SGIP1: variants seen among roughly 807,000 people sequenced by gnomAD.
SGIP1 encodes SH3-containing GRB2-like protein 3-interacting protein 1.
SGIP1 carries 38 observed loss-of-function variants against 107.5 expected under a neutral mutation model. That is an observed-to-expected ratio of 0.35 (90% CI 0.27 to 0.46). SGIP1 has a LOEUF of 0.46. Ranked by LOEUF, SGIP1 falls within the 20% of genes least tolerant of loss-of-function variation. The pLI is 1.00. For synonymous variants in SGIP1, 365 were observed against 366.1 expected, an observed-to-expected ratio of 1.00 and a Z score of 0.03; for missense variants, 929 against 1,019.5, an observed-to-expected ratio of 0.91 and a Z score of 1.21.
chr1:66,608,124 C>A (rs1284398244), intron 1 of SGIP1, among the ~76,000 whole-genome samples: 2 of 152,208 alleles, frequency 1.3e-5, no homozygotes, highest in Admixed American at 1.3e-4. Context: ...CACTATCTAT[C>A]CATGCCATGT....
intron 1 of SGIP1, among the ~76,000 whole-genome samples, chr1:66,559,196 G>A (rs1988415): frequency 0.13 from 19,473 of 152,042 alleles, 1,326 homozygotes; most frequent in East Asian, 0.19. Context: ...TGATGCAGAA[G>A]GTCAGGGGTG....
intron 24 of SGIP1, among the ~76,000 whole-genome samples, chr1:66,742,751 G>A (rs956033120): frequency 6.7e-6 from 1 of 149,046 alleles, no homozygotes; most frequent in African/African-American, 2.6e-5. Context: ...TTACAGGCGT[G>A]AGCCACCGCG....
intron 17 of SGIP1, chr1:66,694,510 G>A (rs1416054959): frequency 6.3e-7 from 1 of 1,588,666 alleles, no homozygotes; most frequent in Non-Finnish European, 8.5e-7. Context: ...TGCAGGTATG[G>A]TGCTAGCCAA....
At position 66,719,378 on chromosome 1, in the gene SGIP1, C is replaced by T; in HGVS notation, c.1715C>T (p.Ala572Val). ...VAAAFTETVN[A>V]YFKGADPSKC... ...GCAGCATTTACAGAAACAGTCAATG[C>T]CTATTTCAAAGGAGCAGACCCAAGC... Residue 572 changes from alanine to valine, a missense_variant, in exon 19 of 25, where the codon GCC becomes GTC. Ala to Val is a moderately conservative substitution (Grantham distance 64, BLOSUM62 0). This residue lies in a region of SGIP1 where 341 missense variants were observed against 430.9 expected (regional missense o/e 0.79). Transcript: ENST00000371037. 6.2e-7 allele frequency: 1 copy of T among 1,613,348 alleles called. No individual in the cohort carries two copies. The highest frequency in any genetic ancestry group is 8.5e-7 in the Non-Finnish European group (1 of 1,179,602).
At chr1:66,738,021 G>A (rs1003894542) in intron 21 of SGIP1, among the ~76,000 whole-genome samples, 4 of 152,086 alleles carry the variant, frequency 2.6e-5, no homozygotes, top group African/African-American at 9.7e-5. Flanking sequence ...CTACTGCTGA[G>A]GACAGAGTCC....
intron 8 of SGIP1, among the ~76,000 whole-genome samples, chr1:66,662,130 T>C (rs2081617901): frequency 6.6e-6 from 1 of 152,232 alleles, no homozygotes; most frequent in African/African-American, 2.4e-5. Context: ...ATAGTTTGTC[T>C]TCACCCTAAA....
intron 12 of SGIP1, among the ~76,000 whole-genome samples, chr1:66,673,844 G>A (rs2084495425): frequency 6.6e-6 from 1 of 152,088 alleles, no homozygotes; most frequent in African/African-American, 2.4e-5. Context: ...GCTGGCTCAA[G>A]ACCCAGGAAT....
At chr1:66,672,103 T>G in intron 11 of SGIP1, 108 bp downstream of exon 11, 20 of 984,740 alleles carry the variant, frequency 2.0e-5, no homozygotes, top group Non-Finnish European at 3.2e-5. Context: ...ACAAAGGCTC[T>G]ACCAAAACAT....
intron 18 of SGIP1, among the ~76,000 whole-genome samples, chr1:66,700,276 CAGG>C (rs988482856): frequency 2.7e-4 from 40 of 149,140 alleles, no homozygotes; most frequent in African/African-American, 9.7e-4. Flanking sequence ...GAGGCTGAGG[CAGG>C]AGAACTGTTT....
At chr1:66,583,689 C>G (rs2062143787) in intron 1 of SGIP1, among the ~76,000 whole-genome samples, 1 of 152,112 alleles carries the variant, frequency 6.6e-6, no homozygotes, top group Non-Finnish European at 1.5e-5. Context: ...CCTCCTACAT[C>G]CGAATTAGTA....
chr1:66,710,180 G>A (rs2150336360), intron 18 of SGIP1, among the ~76,000 whole-genome samples: 1 of 152,094 alleles, frequency 6.6e-6, no homozygotes. Flanking sequence ...CATCACTTCA[G>A]CTAAGATTCA....
intron 1 of SGIP1, among the ~76,000 whole-genome samples, chr1:66,548,847 A>G (rs142176818): frequency 6.6e-6 from 1 of 152,144 alleles, no homozygotes; most frequent in Non-Finnish European, 1.5e-5. Context: ...TCTCCAATTC[A>G]TAGCCCTCTC....
intron 12 of SGIP1, among the ~76,000 whole-genome samples, chr1:66,675,709 AT>A (rs35311800): frequency 1.3e-5 from 2 of 150,106 alleles, no homozygotes; most frequent in Non-Finnish European, 3.0e-5. Context: ...TAATTTTTGT[AT>A]TTTTTGTAGA....
At position 66,709,072 on chromosome 1, in the gene SGIP1, C is replaced by T. The variant is rs544701020; in HGVS notation, c.1631-10222C>T. Among the ~76,000 whole-genome samples the T allele has an allele frequency of 3.3e-3, 494 of 151,872 alleles. 5 individuals are homozygous for T. The highest frequency in any genetic ancestry group is 0.017 in the Middle Eastern group (5 of 294). On this transcript the variant is annotated intron_variant, in intron 18 of 24. Coordinates refer to ENST00000371037, the MANE Select transcript of SGIP1 (RefSeq NM_032291.4). Reference sequence around the variant, plus strand: ...CATGCGCAGAGTTCTGGGATACATGCGCAGAACGTGCATGTTTGTTACATA... The same window carrying T: ...CATGCGCAGAGTTCTGGGATACATGTGCAGAACGTGCATGTTTGTTACATA...
intron 1 of SGIP1, among the ~76,000 whole-genome samples, chr1:66,590,996 A>G (rs1409579832): frequency 6.6e-6 from 1 of 152,170 alleles, no homozygotes; most frequent in East Asian, 1.9e-4. Context: ...ACTCTTACCA[A>G]CATTTCCATA....
chr1:66,651,370 C>T (rs556965352), intron 7 of SGIP1, among the ~76,000 whole-genome samples: 1 of 152,080 alleles, frequency 6.6e-6, no homozygotes, highest in African/African-American at 2.4e-5. Flanking sequence ...TTATCTCACT[C>T]GAAGCATCAC....
At chr1:66,574,982 A>G (rs1393563256) in intron 1 of SGIP1, among the ~76,000 whole-genome samples, 1 of 152,188 alleles carries the variant, frequency 6.6e-6, no homozygotes, top group Non-Finnish European at 1.5e-5. Context: ...TCCAAAATAG[A>G]TTTAACCTTA....
Position 66,729,361 on chromosome 1 carries a change from C to T in SGIP1, c.1840C>T (p.Arg614Trp), listed in dbSNP as rs373240389. 12 of 1,613,974 alleles carry T rather than the reference C, an allele frequency of 7.4e-6. No individual in the cohort carries two copies. The highest frequency in any genetic ancestry group is 2.2e-5 in the East Asian group (1 of 44,884). ...CCCGTCCCCAGCTGCTCTGACTTTT[C>T]GGGTGATAAATTTCAGCAGGTTAGA... Reference protein sequence around the residue: ...NNPSPAALTFRVINFSRLEHV... With the variant: ...NNPSPAALTFWVINFSRLEHV... The change falls in exon 20 of 25, where the codon CGG becomes TGG. Residue 614 changes from arginine to tryptophan, a missense_variant. Physicochemically the swap from Arg to Trp is moderately radical, Grantham distance 101. Around this residue, in one of 2 missense-constraint regions of SGIP1, gnomAD observed 341 missense variants for 430.9 expected, o/e 0.79. Transcript: ENST00000371037.
At chr1:66,615,012 G>T (rs539117258) in intron 1 of SGIP1, among the ~76,000 whole-genome samples, 1 of 151,698 alleles carries the variant, frequency 6.6e-6, no homozygotes, top group Admixed American at 6.6e-5. Flanking sequence ...GTAGAGACGG[G>T]GTTTCTCCAT....
Sources: allele counts gnomAD v4.1 joint callset (sites outside exome capture counted in the v4.1 genomes callset), GRCh38; gene constraint gnomAD v4.1.1; regional missense constraint gnomAD v4.1.1; transcripts MANE v1.5; gene names NCBI Gene and HGNC (gene_info 2026-07-23, HGNC 2026-07-21).